CDYL2: variants seen among roughly 807,000 people sequenced by gnomAD.
CDYL2 encodes chromodomain Y-like protein 2.
CDYL2 carries 23 observed loss-of-function variants against 49.4 expected under a neutral mutation model. The observed-to-expected ratio is 0.47, with a 90% CI of 0.34 to 0.66. The LOEUF is 0.66. CDYL2 is among the 30% of genes least tolerant of loss of function. CDYL2 has a pLI of 0.01. For synonymous variants in CDYL2, 360 were observed against 268.8 expected (o/e 1.34, Z -3.32); for missense variants, 678 against 656.4 (o/e 1.03, Z -0.36).
intron 2 of CDYL2, among the ~76,000 whole-genome samples, chr16:80,645,470 A>G (rs1908297893): frequency 6.6e-6 from 1 of 152,174 alleles, no homozygotes; most frequent in South Asian, 2.1e-4. Flanking sequence ...GCAATCATTA[A>G]AAAGTCAGGA....
At chr16:80,745,925 C>T (rs1905912925) in intron 1 of CDYL2, among the ~76,000 whole-genome samples, 1 of 152,144 alleles carries the variant, frequency 6.6e-6, no homozygotes, top group Non-Finnish European at 1.5e-5. Flanking sequence ...TAACACGTGG[C>T]CGCGACCCAA....
At chr16:80,663,869 G>A (rs1258058539) in intron 2 of CDYL2, among the ~76,000 whole-genome samples, 2 of 152,186 alleles carry the variant, frequency 1.3e-5, no homozygotes, top group African/African-American at 4.8e-5. Flanking sequence ...TGGGATTAGA[G>A]GTGTGAGCCA....
chr16:80,692,670 T>C (rs751035246), intron 1 of CDYL2, among the ~76,000 whole-genome samples: 2 of 152,226 alleles, frequency 1.3e-5, no homozygotes, highest in Non-Finnish European at 2.9e-5. Flanking sequence ...ATTACTTGCA[T>C]ATATAATGTG....
chr16:80,736,636 T>C (rs1905541826), intron 1 of CDYL2: 1 of 152,156 alleles, frequency 6.6e-6, no homozygotes, highest in Non-Finnish European at 1.5e-5. Context: ...TAAGGCTGGG[T>C]ATAGTGGCTC....
intron 1 of CDYL2, among the ~76,000 whole-genome samples, chr16:80,796,319 A>G (rs1359594424): frequency 1.3e-5 from 2 of 152,216 alleles, no homozygotes; most frequent in African/African-American, 4.8e-5. Context: ...ATGAACTGTA[A>G]TCAAATCTAC....
Position 80,604,186 on chromosome 16 carries a change from G to T in CDYL2, c.*202C>A, listed in dbSNP as rs1030524817. ...CTCTGGCCAGGAAGGGCAGGGAGGT[G>T]GGGGAGGCCAAGTATGCTGCGTTTT... On this transcript the variant is annotated 3_prime_UTR_variant, in exon 7 of 7. Transcript: ENST00000570137. The T allele has an allele frequency of 1.3e-5, 8 of 608,492 alleles. 1 individual carries two copies. Among genetic ancestry groups the T allele is most frequent in the Middle Eastern group, 4.4e-4 (1 of 2,290 alleles). 37.7% of individuals were successfully genotyped at this position (608,492 alleles called of 1,614,324 possible).
chr16:80,720,625 T>C lies in CDYL2; in HGVS notation c.25-35496A>G, dbSNP rs139733359. 2.6e-3 allele frequency among the ~76,000 whole-genome samples: 395 copies of C among 152,340 alleles called. 3 individuals carry two copies. The East Asian group carries it at 0.035, about 13-fold the overall frequency. On this transcript the variant is annotated intron_variant, in intron 1 of 6. Transcript: ENST00000570137. Reference sequence around the variant, plus strand: ...CTTCAACGTGGCTTCTGAAACAAGATGTTGCTGCTGGGAAAACATGCTCCT... The same window carrying C: ...CTTCAACGTGGCTTCTGAAACAAGACGTTGCTGCTGGGAAAACATGCTCCT...
intron 1 of CDYL2, among the ~76,000 whole-genome samples, chr16:80,731,970 A>G (rs1463245126): frequency 6.6e-6 from 1 of 151,938 alleles, no homozygotes; most frequent in Non-Finnish European, 1.5e-5. Flanking sequence ...CCAGGGTGAC[A>G]GAGATGCACT....
At chr16:80,661,139 C>A (rs1165948533) in intron 2 of CDYL2, among the ~76,000 whole-genome samples, 1 of 152,114 alleles carries the variant, frequency 6.6e-6, no homozygotes, top group African/African-American at 2.4e-5. Context: ...ATTTCAAACC[C>A]CAGGTACAGA....
rs199633899 is a variant in CDYL2, at chr16:80,750,758, G to A, written c.24+53392C>T. The stretch of plus-strand genomic sequence containing the variant: ...TTTCAGGCTGGGCGCAGTGGCTCAC[G>A]CCCGTAATCCCAGCACTTTGGGAGG... On this transcript the variant is annotated intron_variant, in intron 1 of 6. Coordinates refer to ENST00000570137, the MANE Select transcript of CDYL2 (RefSeq NM_152342.4). Among the ~76,000 whole-genome samples, 55 of 152,250 alleles carry A rather than the reference G, an allele frequency of 3.6e-4. No individual in the cohort carries two copies. The East Asian group carries it at 6.8e-3, about 19-fold the overall frequency.
intron 3 of CDYL2, among the ~76,000 whole-genome samples, chr16:80,624,145 G>A (rs536693828): frequency 6.6e-6 from 1 of 152,134 alleles, no homozygotes; most frequent in Non-Finnish European, 1.5e-5. Context: ...TTGGGTGCCT[G>A]GTATTCACAA....
At chr16:80,682,889 G>C (rs970717073) in intron 2 of CDYL2, among the ~76,000 whole-genome samples, 5 of 152,204 alleles carry the variant, frequency 3.3e-5, no homozygotes, top group African/African-American at 1.2e-4. Context: ...AGTCACGTCA[G>C]CGTCAGGGAT....
intron 1 of CDYL2, among the ~76,000 whole-genome samples, chr16:80,723,949 A>C (rs147815736): frequency 1.8e-4 from 26 of 147,240 alleles, no homozygotes; most frequent in African/African-American, 6.3e-4. Flanking sequence ...GAAGAGGAGA[A>C]AAAGGGGGGA....
chr16:80,636,120 GGCA>G (rs1907812086), intron 2 of CDYL2, among the ~76,000 whole-genome samples: 1 of 152,098 alleles, frequency 6.6e-6, no homozygotes, highest in African/African-American at 2.4e-5. Context: ...AGAAAACCTA[GGCA>G]ATACCATTCA....
In CDYL2 at chr16:80,765,876, C is replaced by CAAA. The variant is rs554710623; in HGVS notation, c.24+38271_24+38273dup. 9.6e-3 allele frequency among the ~76,000 whole-genome samples: 451 copies of CAAA among 47,090 alleles called. 11 individuals carry two copies. The highest frequency in any genetic ancestry group is 0.025 in the East Asian group (33 of 1,314). The allele number at this position is 47,090 out of a possible 152,430, so 30.9% of individuals were successfully genotyped here. ...GGCAACATTGCAAGACCCTCATCTA[C>CAAA]AAAAAAAAAAAAAAAAAAAAAGGAA... On this transcript the variant is annotated intron_variant, in intron 1 of 6. Coordinates refer to ENST00000570137, the MANE Select transcript of CDYL2 (RefSeq NM_152342.4).
At chr16:80,788,896 G>GA (rs1210592344) in intron 1 of CDYL2, among the ~76,000 whole-genome samples, 30 of 151,696 alleles carry the variant, frequency 2.0e-4, no homozygotes, top group Admixed American at 1.9e-3. Context: ...AACTCAACAA[G>GA]AAAAAAACAA....
intron 6 of CDYL2, 36 bp from the exon 7 acceptor site, chr16:80,604,582 C>G (rs983225101): frequency 6.2e-7 from 1 of 1,611,594 alleles, no homozygotes; most frequent in Admixed American, 1.7e-5. Context: ...TAGCCGGGCA[C>G]CAGGGACTCT....
chr16:80,800,679 A>G (rs1907898212), intron 1 of CDYL2, among the ~76,000 whole-genome samples: 1 of 152,108 alleles, frequency 6.6e-6, no homozygotes, highest in Admixed American at 6.5e-5. Context: ...GGGAAAGAAA[A>G]AGACAATAGA....
chr16:80,768,992 T>G (rs950611128), intron 1 of CDYL2, among the ~76,000 whole-genome samples: 29 of 152,194 alleles, frequency 1.9e-4, no homozygotes, highest in Non-Finnish European at 4.1e-4. Context: ...GCCTCCTACT[T>G]GAAAATATTC....
Sources: allele counts gnomAD v4.1 joint callset (sites outside exome capture counted in the v4.1 genomes callset), GRCh38; gene constraint gnomAD v4.1.1; transcripts MANE v1.5; gene names NCBI Gene and HGNC (gene_info 2026-07-23, HGNC 2026-07-21).